Variants in PRKAA1 observed in about 807,000 individuals in gnomAD.
The protein encoded by PRKAA1 is protein kinase AMP-activated catalytic subunit alpha 1.
PRKAA1 carries 23 observed loss-of-function variants against 56.9 expected under a neutral mutation model. The ratio of observed to expected loss-of-function variants is 0.40; its 90% CI spans 0.29 to 0.57. The LOEUF is 0.57. Ranked by LOEUF, PRKAA1 falls within the 20% of genes least tolerant of loss-of-function variation. PRKAA1 has a pLI of 0.39. For missense variants in PRKAA1, 413 were observed against 679.7 expected (o/e 0.61, Z 4.36); for synonymous variants, 226 against 227.0 (o/e 1.00, Z 0.04).
chr5:40,788,865 G>A (rs544416086), intron 1 of PRKAA1, among the ~76,000 whole-genome samples: 37 of 151,336 alleles, frequency 2.4e-4, no homozygotes, highest in African/African-American at 8.7e-4. Context: ...ATAGAGTGAA[G>A]AGACAACCCA....
chr5:40,773,095 C>G (rs1743825095), intron 3 of PRKAA1, among the ~76,000 whole-genome samples: 1 of 152,156 alleles, frequency 6.6e-6, no homozygotes, highest in Admixed American at 6.6e-5. Flanking sequence ...AATTCTCTAA[C>G]ACAGGTCACA....
In PRKAA1 at chr5:40,777,020, A is replaced by AT. The variant is rs202049547; in HGVS notation, c.269+424dup. 1.4e-3 allele frequency: 207 copies of AT among 153,216 alleles called. 1 individual carries two copies. In the East Asian group the frequency reaches 0.028, roughly 21 times the overall value. The allele number at this position is 153,216 out of a possible 1,614,324, so 9.5% of individuals were successfully genotyped here. Reference sequence around the variant, plus strand: ...AATACATGAATGGGAAGAAACTTTTATTTTTTTTTGGGACAGAGTTTCGCT... The same window carrying AT: ...AATACATGAATGGGAAGAAACTTTTATTTTTTTTTTGGGACAGAGTTTCGCT... On this transcript the variant is annotated intron_variant, in intron 2 of 8. Transcript: ENST00000397128.
In PRKAA1 at chr5:40,792,569, T is replaced by C. The variant is rs553135252; in HGVS notation, c.127+5494A>G. Among the ~76,000 whole-genome samples the C allele has an allele frequency of 3.9e-5, 6 of 152,336 alleles. No homozygotes were observed. The East Asian group carries it at 9.6e-4, about 24-fold the overall frequency. On this transcript the variant is annotated intron_variant, in intron 1 of 8. Coordinates refer to ENST00000397128, the MANE Select transcript of PRKAA1 (RefSeq NM_006251.6). ...GTTCTGTAGGTTTCTAAAATTTATA[T>C]AAATAACAGCAAACTATACATATTC...
chr5:40,788,153 G>A (rs1434343168), intron 1 of PRKAA1, among the ~76,000 whole-genome samples: 7 of 152,102 alleles, frequency 4.6e-5, no homozygotes, highest in Admixed American at 1.3e-4. Context: ...AAAACAGCAC[G>A]GCACTGACAT....
chr5:40,787,594 T>C (rs1744546360), intron 1 of PRKAA1, among the ~76,000 whole-genome samples: 1 of 152,062 alleles, frequency 6.6e-6, no homozygotes. Flanking sequence ...AAATGTAGAA[T>C]GTGTGTATGT....
chr5:40,771,938 A>G, intron 3 of PRKAA1, 75 bp from the exon 4 acceptor site: 1 of 1,513,194 alleles, frequency 6.6e-7, no homozygotes, highest in Non-Finnish European at 8.9e-7. Flanking sequence ...TCTCCAACCT[A>G]TAAAATTGTC....
Position 40,777,435 on chromosome 5 carries a change from C to A in PRKAA1, c.269+10G>T. The A allele has an allele frequency of 6.2e-7, 1 of 1,600,698 alleles. No homozygotes were observed. Among genetic ancestry groups the A allele is most frequent in the Non-Finnish European group, 8.5e-7 (1 of 1,171,812 alleles). ...ATGACTGGACTATATTTAATATAAA[C>A]AGAGCTTACAGTTTAATTATATGAG... On this transcript the variant is annotated intron_variant, in intron 2 of 8. Transcript: ENST00000397128.
chr5:40,764,463 A>G (rs1743327972), intron 8 of PRKAA1, 51 bp downstream of exon 8: 1 of 1,521,496 alleles, frequency 6.6e-7, no homozygotes, highest in Admixed American at 2.0e-5. Context: ...GGCGTAAAAT[A>G]CCAAGTTAGT....
At chr5:40,788,169 C>G (rs1335029967) in intron 1 of PRKAA1, among the ~76,000 whole-genome samples, 3 of 152,164 alleles carry the variant, frequency 2.0e-5, no homozygotes, top group Non-Finnish European at 4.4e-5. Flanking sequence ...GACATAAAAA[C>G]AGACATGTCC....
intron 1 of PRKAA1, among the ~76,000 whole-genome samples, chr5:40,795,989 C>T (rs1744910059): frequency 6.6e-6 from 1 of 152,232 alleles, no homozygotes; most frequent in African/African-American, 2.4e-5. Context: ...TCCTGCTTTA[C>T]TACCTGCCAT....
At chr5:40,778,384 A>G (rs1744114009) in intron 1 of PRKAA1, among the ~76,000 whole-genome samples, 1 of 152,226 alleles carries the variant, frequency 6.6e-6, no homozygotes, top group Admixed American at 6.5e-5. Context: ...TTTAAGAGTG[A>G]TTACATAGGA....
chr5:40,772,934 G>A (rs1743817406), intron 3 of PRKAA1, among the ~76,000 whole-genome samples: 1 of 152,104 alleles, frequency 6.6e-6, no homozygotes, highest in Non-Finnish European at 1.5e-5. Context: ...CATGCAGCCT[G>A]AAGTATTTTT....
Position 40,759,744 on chromosome 5 carries a change from A to G in PRKAA1, c.*3034T>C, listed in dbSNP as rs1377532188. 2.0e-5 allele frequency: 3 copies of G among 152,378 alleles called. No individual in the cohort carries two copies. The highest frequency in any genetic ancestry group is 4.4e-5 in the Non-Finnish European group (3 of 68,042). The allele number at this position is 152,378 out of a possible 1,614,324, so 9.4% of individuals were successfully genotyped here. ...AAATGGTGTCACTACAACATCAAAA[A>G]GAGCAGTGCTAGGCAGAGGATTTTG... On this transcript the variant is annotated 3_prime_UTR_variant, in exon 9 of 9. Coordinates refer to ENST00000397128, the MANE Select transcript of PRKAA1 (RefSeq NM_006251.6).
At chr5:40,770,237 C>T (rs1349767401) in intron 4 of PRKAA1, among the ~76,000 whole-genome samples, 1 of 152,082 alleles carries the variant, frequency 6.6e-6, no homozygotes, top group East Asian at 1.9e-4. Flanking sequence ...CCAAGACAGG[C>T]GGATCACTTC....
chr5:40,786,312 G>C (rs1011238363), intron 1 of PRKAA1, among the ~76,000 whole-genome samples: 1 of 150,456 alleles, frequency 6.6e-6, no homozygotes, highest in African/African-American at 2.4e-5. Flanking sequence ...TTCTCCACTA[G>C]AGCCTTCAGA....
chr5:40,780,463 T>TA (rs1744222379), intron 1 of PRKAA1, among the ~76,000 whole-genome samples: 1 of 152,104 alleles, frequency 6.6e-6, no homozygotes, highest in African/African-American at 2.4e-5. Context: ...ACCAATAAGA[T>TA]ATATATATAC....
At chr5:40,794,058 C>T (rs544215454) in intron 1 of PRKAA1, among the ~76,000 whole-genome samples, 7 of 151,474 alleles carry the variant, frequency 4.6e-5, no homozygotes, top group Admixed American at 1.3e-4. Context: ...GCTGAGATTG[C>T]GCCAATGCAC....
intron 1 of PRKAA1, among the ~76,000 whole-genome samples, chr5:40,782,405 G>A (rs921845727): frequency 1.3e-5 from 2 of 152,120 alleles, no homozygotes; most frequent in Non-Finnish European, 2.9e-5. Context: ...GGGGAAAACA[G>A]TATTGACCAA....
intron 1 of PRKAA1, among the ~76,000 whole-genome samples, chr5:40,790,950 A>G (rs1466899942): frequency 6.6e-6 from 1 of 152,248 alleles, no homozygotes; most frequent in Non-Finnish European, 1.5e-5. Flanking sequence ...ACAGATAAAG[A>G]AACTGAGGCT....
Sources: gnomAD v4.1 joint callset for allele counts (sites outside exome capture counted in the v4.1 genomes callset) on GRCh38, gnomAD v4.1.1 for gene constraint, MANE v1.5 for transcripts, NCBI Gene and HGNC (gene_info 2026-07-23, HGNC 2026-07-21) for gene names.